The following CYB5R4 variants were observed in gnomAD, a reference collection of about 807,000 sequenced individuals.
The protein encoded by CYB5R4 is cytochrome b5 reductase 4, also known as N-terminal cytochrome b5 and cytochrome b5 oxidoreductase domain-containing protein.
A neutral mutation model predicts 70.2 loss-of-function variants in CYB5R4; 55 were observed. The observed-to-expected ratio is 0.78, with a 90% confidence interval of 0.63 to 0.98. The LOEUF (loss-of-function observed/expected upper bound fraction) is 0.98. Among genes scored for constraint, CYB5R4 ranks in the 50% least tolerant of loss-of-function variants. The pLI is 0.00. For missense variants in CYB5R4, 562 were observed against 612.6 expected (o/e 0.92, Z 0.87); for synonymous variants, 197 against 199.5 (o/e 0.99, Z 0.11).
At chr6:83,901,831 C>A (rs1379938624) in intron 3 of CYB5R4, among the ~76,000 whole-genome samples, 1 of 151,538 alleles carries the variant, frequency 6.6e-6, no homozygotes, top group African/African-American at 2.4e-5. Context: ...TATTTGTCAT[C>A]TTTTGAGAAT....
chr6:83,921,843 G>A, intron 8 of CYB5R4, among the ~76,000 whole-genome samples: 1 of 152,278 alleles, frequency 6.6e-6, no homozygotes, highest in South Asian at 2.1e-4. Flanking sequence ...ATTTACAGCA[G>A]ACATTTGTAA....
chr6:83,901,931 T>C (rs1034639001), intron 3 of CYB5R4, among the ~76,000 whole-genome samples: 1 of 152,124 alleles, frequency 6.6e-6, no homozygotes, highest in Admixed American at 6.5e-5. Context: ...TCAGTCCTTG[T>C]TAGATAAATA....
chr6:83,917,250 G>A (rs958303265), intron 5 of CYB5R4, among the ~76,000 whole-genome samples: 4 of 152,120 alleles, frequency 2.6e-5, no homozygotes, highest in Non-Finnish European at 5.9e-5. Context: ...TGGTGAGGTT[G>A]TGGAGCAGCT....
chr6:83,871,131 C>T (rs2099457560), intron 2 of CYB5R4, among the ~76,000 whole-genome samples: 1 of 151,952 alleles, frequency 6.6e-6, no homozygotes, highest in African/African-American at 2.4e-5. Context: ...CGCCTGCAGC[C>T]ATGCCCGGCT....
At chr6:83,933,184 G>A (rs564264184) in intron 10 of CYB5R4, among the ~76,000 whole-genome samples, 3 of 152,224 alleles carry the variant, frequency 2.0e-5, no homozygotes, top group African/African-American at 4.8e-5. Context: ...TAGGCCTTCC[G>A]GGATAACTTT....
At chr6:83,951,871 G>T (rs1388240384) in intron 14 of CYB5R4, among the ~76,000 whole-genome samples, 5 of 152,062 alleles carry the variant, frequency 3.3e-5, no homozygotes. Context: ...TGTTTTCTAC[G>T]ATGGTTGAAC....
chr6:83,889,211 A>G lies in CYB5R4; in HGVS notation c.230-4311A>G, dbSNP rs1187966244. Among the ~76,000 whole-genome samples the G allele has an allele frequency of 2.6e-5, 4 of 152,366 alleles. No individual in the cohort carries two copies. In the East Asian group the frequency reaches 5.8e-4, roughly 22 times the overall value. On this transcript the variant is annotated intron_variant, in intron 2 of 15. Coordinates refer to ENST00000369681, the MANE Select transcript of CYB5R4 (RefSeq NM_016230.4). ...CTAGAAGATCTAGCTAAGATCAGTG[A>G]TGTAGTTGAATACACGAAACAACAC...
At chr6:83,916,041 T>C (rs61763813) in intron 5 of CYB5R4, among the ~76,000 whole-genome samples, 1 of 147,826 alleles carries the variant, frequency 6.8e-6, no homozygotes, top group East Asian at 1.9e-4. Flanking sequence ...AGTTTGAGGG[T>C]TTTTTTTGTT....
At chr6:83,887,466 A>G (rs2129132849) in intron 2 of CYB5R4, among the ~76,000 whole-genome samples, 1 of 152,284 alleles carries the variant, frequency 6.6e-6, no homozygotes, top group South Asian at 2.1e-4. Context: ...GTATGAAAAG[A>G]TATTAAGAAC....
intron 10 of CYB5R4, among the ~76,000 whole-genome samples, chr6:83,927,452 A>G (rs992142641): frequency 6.6e-6 from 1 of 152,190 alleles, no homozygotes; most frequent in African/African-American, 2.4e-5. Context: ...GTTGTGATCT[A>G]TCTTCTGACC....
At chr6:83,880,960 GTT>G (rs2099459346) in intron 2 of CYB5R4, among the ~76,000 whole-genome samples, 3 of 152,256 alleles carry the variant, frequency 2.0e-5, no homozygotes, top group South Asian at 4.1e-4. Context: ...AGATCATAAT[GTT>G]TTGACATGCA....
In CYB5R4 at chr6:83,909,067, C is replaced by A; in HGVS notation, c.389C>A (p.Ala130Asp). 6.2e-7 allele frequency: 1 copy of A among 1,613,790 alleles called. No individual in the cohort carries two copies. The highest frequency in any genetic ancestry group is 8.5e-7 in the Non-Finnish European group (1 of 1,179,786). Residue 130 changes from alanine (A) to aspartate (D), a missense_variant, in exon 4 of 16, where the codon GCC (alanine) becomes GAC (aspartate). Transcript: ENST00000369681. ...MLKECLVGRMAIKPAVLKDYR... is the reference protein window; with the variant it reads ...MLKECLVGRMDIKPAVLKDYR... ...AAAGAATGCCTGGTTGGCAGAATGGCCATTAAACCTGCTGTTCTGAAAGGT... is the reference window on the plus strand; with the variant it reads ...AAAGAATGCCTGGTTGGCAGAATGGACATTAAACCTGCTGTTCTGAAAGGT...
intron 8 of CYB5R4, 146 bp from the exon 9 acceptor site, chr6:83,922,292 G>A: frequency 1.8e-6 from 1 of 545,172 alleles, no homozygotes; most frequent in South Asian, 2.9e-5. Flanking sequence ...TATTTTGATT[G>A]TGTAAAATTG....
At chr6:83,944,415 T>A (rs2099470244) in intron 14 of CYB5R4, among the ~76,000 whole-genome samples, 1 of 152,162 alleles carries the variant, frequency 6.6e-6, no homozygotes, top group Non-Finnish European at 1.5e-5. Context: ...AGGCCTGCCT[T>A]ACAAGAGTTC....
intron 14 of CYB5R4, among the ~76,000 whole-genome samples, chr6:83,951,167 A>C (rs929463212): frequency 6.6e-6 from 1 of 152,210 alleles, no homozygotes; most frequent in Non-Finnish European, 1.5e-5. Context: ...GTGTTCAGTC[A>C]TGTGAGCATA....
chr6:83,937,284 T>A (rs1003952751), intron 12 of CYB5R4, among the ~76,000 whole-genome samples: 12 of 151,476 alleles, frequency 7.9e-5, no homozygotes, highest in African/African-American at 2.4e-4. Flanking sequence ...CAAAAAAAAA[T>A]AATAAAAAAT....
intron 3 of CYB5R4, among the ~76,000 whole-genome samples, chr6:83,894,006 C>A (rs868532772): frequency 2.6e-4 from 40 of 152,284 alleles, no homozygotes; most frequent in Middle Eastern, 3.4e-3. Context: ...AGCTTCTTTT[C>A]TGTTAGTCCT....
At chr6:83,955,677 G>A (rs1392351629) in intron 15 of CYB5R4, among the ~76,000 whole-genome samples, 1 of 152,210 alleles carries the variant, frequency 6.6e-6, no homozygotes, top group African/African-American at 2.4e-5. Context: ...GTTACAGCCA[G>A]CAGTCAGTGT....
chr6:83,941,689 C>T (rs925042182), intron 14 of CYB5R4, among the ~76,000 whole-genome samples: 5 of 152,096 alleles, frequency 3.3e-5, no homozygotes, highest in African/African-American at 1.2e-4. Flanking sequence ...AAGGATGACA[C>T]CTGAATTTAT....
Sources: gnomAD v4.1 joint callset for allele counts (sites outside exome capture counted in the v4.1 genomes callset) on GRCh38, gnomAD v4.1.1 for gene constraint, MANE v1.5 for transcripts, NCBI Gene and HGNC (gene_info 2026-07-23, HGNC 2026-07-21) for gene names.